Variants in CDC14A observed in about 807,000 individuals in gnomAD.
CDC14A encodes dual specificity protein phosphatase CDC14A.
Under a neutral mutation model 74.4 loss-of-function variants are expected in CDC14A, and 53 were observed. The ratio of observed to expected loss-of-function variants is 0.71; its 90% confidence interval spans 0.57 to 0.89. The LOEUF (loss-of-function observed/expected upper bound fraction) is 0.89, where lower values mean the gene tolerates loss of function less well. Ranked by LOEUF, CDC14A falls within the 40% of genes least tolerant of loss-of-function variation. The probability of loss-of-function intolerance (pLI) is 0.00; values close to 1 mark genes in which losing one functional copy is unlikely to be tolerated. For synonymous variants in CDC14A, 247 were observed against 258.4 expected (o/e 0.96, Z 0.43); for missense variants, 646 against 713.7 (o/e 0.91, Z 1.08).
rs1651203606 is a variant in CDC14A at position 100,352,532 on chromosome 1, T to C, written c.-423T>C. ...GCAGCTGCTGCCAGCCCGCGGGCAC[T>C]GAAGTCCTCCCGGCTGCCGCTCGAG... On this transcript the variant is annotated 5_prime_UTR_variant, in exon 1 of 16. Coordinates refer to ENST00000336454, the MANE Select transcript of CDC14A (RefSeq NM_003672.4). 3 of 1,034,526 alleles carry C rather than the reference T, an allele frequency of 2.9e-6. No homozygotes were observed. The highest frequency in any genetic ancestry group is 3.5e-6 in the Non-Finnish European group (3 of 861,916). The allele number at this position is 1,034,526 out of a possible 1,614,324, so 64.1% of individuals were successfully genotyped here.
chr1:100,383,160 C>G (rs111618544), intron 3 of CDC14A, among the ~76,000 whole-genome samples: 2 of 152,106 alleles, frequency 1.3e-5, no homozygotes, highest in African/African-American at 2.4e-5. Flanking sequence ...GAGCATATAC[C>G]GAGTTTGCAA....
At chr1:100,462,467 T>C (rs1667405023) in intron 8 of CDC14A, 184 bp from the exon 9 acceptor site, 1 of 590,190 alleles carries the variant, frequency 1.7e-6, no homozygotes, top group African/African-American at 1.9e-5. Flanking sequence ...TTTAACCTCC[T>C]GTGGTGCTTA....
intron 15 of CDC14A, among the ~76,000 whole-genome samples, chr1:100,509,929 C>T (rs906437678): frequency 2.0e-5 from 3 of 152,240 alleles, no homozygotes; most frequent in South Asian, 2.1e-4. Flanking sequence ...ATAAGGTTGA[C>T]CCATTCTATC....
intron 4 of CDC14A, among the ~76,000 whole-genome samples, chr1:100,411,406 T>C (rs1460791906): frequency 6.6e-6 from 1 of 152,210 alleles, no homozygotes; most frequent in Non-Finnish European, 1.5e-5. Flanking sequence ...TTCTCTCCTA[T>C]TGCTTTAAAA....
chr1:100,420,063 C>CACTATATAT, intron 4 of CDC14A, among the ~76,000 whole-genome samples: 1 of 61,566 alleles, frequency 1.6e-5, no homozygotes, highest in Non-Finnish European at 3.8e-5. Flanking sequence ...CACACACACA[C>CACTATATAT]ATATATATAT....
At chr1:100,424,488 C>A (rs1362984149) in intron 5 of CDC14A, among the ~76,000 whole-genome samples, 187 bp downstream of exon 5, 1 of 152,144 alleles carries the variant, frequency 6.6e-6, no homozygotes, top group Non-Finnish European at 1.5e-5. Flanking sequence ...AATAAAAGAG[C>A]TTTCTTCTTG....
intron 9 of CDC14A, among the ~76,000 whole-genome samples, chr1:100,465,129 C>A (rs1462119365): frequency 1.3e-5 from 2 of 151,786 alleles, no homozygotes; most frequent in Non-Finnish European, 2.9e-5. Flanking sequence ...GTTCTGCTGG[C>A]CAGAACTGGT....
intron 11 of CDC14A, chr1:100,486,017 C>T (rs994756461): frequency 6.6e-6 from 1 of 152,128 alleles, no homozygotes; most frequent in African/African-American, 2.4e-5. Context: ...TCCAGTTTCA[C>T]CTATTAAGAG....
Position 100,418,097 on chromosome 1 carries a change from A to G in CDC14A, c.310-6125A>G, listed in dbSNP as rs577615573. On this transcript the variant is annotated intron_variant, in intron 4 of 15. Transcript: ENST00000336454. ...GCTTTTCCTGTAAAATGAAAATGGG[A>G]ATAATAATGGAACCTAACTCGGGGT... 1.2e-4 allele frequency among the ~76,000 whole-genome samples: 19 copies of G among 152,336 alleles called. No homozygotes were observed. In the East Asian group the frequency reaches 3.7e-3, roughly 29 times the overall value.
intron 2 of CDC14A, among the ~76,000 whole-genome samples, chr1:100,367,442 T>G (rs1653784977): frequency 6.6e-6 from 1 of 152,192 alleles, no homozygotes; most frequent in Admixed American, 6.5e-5. Flanking sequence ...ATACCAAAGT[T>G]GGTGATAACC....
chr1:100,470,062 T>C (rs961651083), intron 10 of CDC14A, among the ~76,000 whole-genome samples: 1 of 152,184 alleles, frequency 6.6e-6, no homozygotes, highest in Non-Finnish European at 1.5e-5. Context: ...ATATTCCTCA[T>C]GATCATAAAC....
chr1:100,475,060 A>G lies in CDC14A; in HGVS notation c.977+6966A>G, dbSNP rs578104508. On this transcript the variant is annotated intron_variant, in intron 10 of 15. Coordinates refer to ENST00000336454, the MANE Select transcript of CDC14A (RefSeq NM_003672.4). ...TTGACATGAGTGTTAGGTTTTTGTT[A>G]TAGTCCCACAGCTCTCTGGGACTCT... Among the ~76,000 whole-genome samples the G allele has an allele frequency of 1.2e-4, 19 of 152,124 alleles. 1 individual carries two copies. The highest frequency in any genetic ancestry group is 9.2e-4 in the Admixed American group (14 of 15,284).
chr1:100,429,458 G>A (rs996587978), intron 5 of CDC14A, among the ~76,000 whole-genome samples: 3 of 150,672 alleles, frequency 2.0e-5, no homozygotes, highest in African/African-American at 7.3e-5. Flanking sequence ...GCTTGGAGAA[G>A]AGGCTAGAAT....
At chr1:100,444,422 T>G (rs1665304929) in intron 7 of CDC14A, among the ~76,000 whole-genome samples, 2 of 152,224 alleles carry the variant, frequency 1.3e-5, no homozygotes, top group African/African-American at 4.8e-5. Context: ...CCAAACCGGC[T>G]GTTTCTCCCA....
chr1:100,494,735 A>C (rs1647520564), intron 11 of CDC14A, 83 bp from the exon 12 acceptor site: 1 of 670,534 alleles, frequency 1.5e-6, no homozygotes, highest in African/African-American at 1.8e-5. Flanking sequence ...ATCTGTATAA[A>C]ATGTATCTAT....
At chr1:100,408,761 G>A (rs1011681622) in intron 4 of CDC14A, among the ~76,000 whole-genome samples, 1 of 152,062 alleles carries the variant, frequency 6.6e-6, no homozygotes, top group African/African-American at 2.4e-5. Context: ...ACATAATGAG[G>A]TTTTGCTACA....
upstream of CDC14A, among the ~76,000 whole-genome samples, chr1:100,349,309 CTTAG>C (rs754543720): frequency 5.9e-5 from 9 of 152,234 alleles, no homozygotes; most frequent in Non-Finnish European, 1.2e-4. Flanking sequence ...TGTAAACTCT[CTTAG>C]TATTTCCTTT....
intron 11 of CDC14A, among the ~76,000 whole-genome samples, chr1:100,491,778 G>T (rs1670724973): frequency 6.6e-6 from 1 of 150,604 alleles, no homozygotes; most frequent in South Asian, 2.1e-4. Context: ...CACCATGTGG[G>T]CCAGGTTGGT....
chr1:100,498,373 C>T (rs1177084497), intron 14 of CDC14A, among the ~76,000 whole-genome samples, 166 bp downstream of exon 14: 4 of 152,136 alleles, frequency 2.6e-5, no homozygotes, highest in African/African-American at 9.7e-5. Flanking sequence ...CTTGGGAAGG[C>T]AGGAGACAAG....
Sources: allele counts gnomAD v4.1 joint callset (sites outside exome capture counted in the v4.1 genomes callset), GRCh38; gene constraint gnomAD v4.1.1; transcripts MANE v1.5; gene names NCBI Gene and HGNC (gene_info 2026-07-23, HGNC 2026-07-21).